Variants in KIAA1549 observed in about 807,000 individuals in gnomAD.
KIAA1549 encodes KIAA1549.
KIAA1549 carries 70 observed loss-of-function variants against 156.4 expected under a neutral mutation model. The observed-to-expected ratio is 0.45, with a 90% CI of 0.37 to 0.55. The LOEUF (loss-of-function observed/expected upper bound fraction) is 0.55. Among genes scored for constraint, KIAA1549 ranks in the 20% least tolerant of loss-of-function variants. KIAA1549 has a pLI of 0.00. For synonymous variants in KIAA1549, 1,103 were observed against 1,066.4 expected, an observed-to-expected ratio of 1.03 and a Z score of -0.67; for missense variants, 2,428 against 2,540.9, an observed-to-expected ratio of 0.96 and a Z score of 0.96.
At chr7:138,871,087 G>A in intron 13 of KIAA1549, 70 bp downstream of exon 13, 1 of 1,457,840 alleles carries the variant, frequency 6.9e-7, no homozygotes, top group East Asian at 2.4e-5. Flanking sequence ...CAAGTGCTGG[G>A]ATTACAGGCA....
At position 138,899,211 on chromosome 7, in the gene KIAA1549, T is replaced by C. The variant is rs541221548; in HGVS notation, c.3670-79A>G. On this transcript the variant is annotated intron_variant, in intron 8 of 19. Coordinates refer to ENST00000422774, the MANE Select transcript of KIAA1549 (RefSeq NM_001164665.2). Reference sequence around the variant, plus strand: ...CTCTCTCAGGTTGCTGAATCCTGGCTGTGTCACTCAGGATTTATTCCAATC... The same window carrying C: ...CTCTCTCAGGTTGCTGAATCCTGGCCGTGTCACTCAGGATTTATTCCAATC... The C allele has an allele frequency of 5.4e-6, 7 of 1,307,526 alleles. No individual in the cohort carries two copies. In the South Asian group the frequency reaches 6.2e-5, roughly 12 times the overall value. The allele number at this position is 1,307,526 out of a possible 1,614,324, so 81.0% of individuals were successfully genotyped here.
At chr7:138,839,780 T>TTC (rs1809853342) in intron 19 of KIAA1549, among the ~76,000 whole-genome samples, 1 of 112,048 alleles carries the variant, frequency 8.9e-6, no homozygotes, top group Admixed American at 8.7e-5. Context: ...GATTATGTCT[T>TTC]TTTTTTTTTT....
intron 1 of KIAA1549, among the ~76,000 whole-genome samples, chr7:138,951,285 G>A (rs1289839755): frequency 6.6e-6 from 1 of 152,092 alleles, no homozygotes; most frequent in Non-Finnish European, 1.5e-5. Context: ...AGGATTCAGG[G>A]TTCACGGACA....
chr7:138,891,178 G>A (rs1264462487), intron 10 of KIAA1549, among the ~76,000 whole-genome samples: 1 of 152,260 alleles, frequency 6.6e-6, no homozygotes, highest in Non-Finnish European at 1.5e-5. Context: ...TGCTATTTGT[G>A]TTGGTAACTG....
rs1046155851 is a variant in KIAA1549 at position 138,869,394 on chromosome 7, G to A, written c.4775+144C>T. On this transcript the variant is annotated intron_variant, in intron 14 of 19. Coordinates refer to ENST00000422774, the MANE Select transcript of KIAA1549 (RefSeq NM_001164665.2). ...CTTCTGTGCATGAGCCCCTTCAACTGTCTTCAGAGACCTCCACGTGAACAC... is the reference window on the plus strand; with the variant it reads ...CTTCTGTGCATGAGCCCCTTCAACTATCTTCAGAGACCTCCACGTGAACAC... The A allele has an allele frequency of 6.0e-6, 4 of 668,746 alleles. No homozygotes were observed. The African/African-American group carries it at 7.2e-5, about 12-fold the overall frequency. 41.4% of individuals were successfully genotyped at this position (668,746 alleles called of 1,614,324 possible). A position where few individuals can be genotyped will look rare whatever the true frequency, so the allele number is the denominator to read the frequency against.
Position 138,919,436 on chromosome 7 carries a change from CATCT to C in KIAA1549, c.188-2_189del. 1 of 1,611,178 alleles carries C rather than the reference CATCT, an allele frequency of 6.2e-7. No individual in the cohort carries two copies. The highest frequency in any genetic ancestry group is 8.5e-7 in the Non-Finnish European group (1 of 1,178,338). Reference sequence around the variant, plus strand: ...AGGTTGTGCTGTTCCGGAGAGAGCTCATCTATCAAGAAAATCAGAGCTGGGTTAG... The same window carrying C: ...AGGTTGTGCTGTTCCGGAGAGAGCTCATCAAGAAAATCAGAGCTGGGTTAG... On this transcript the variant is annotated splice_acceptor_variant and coding_sequence_variant, in exon 2 of 20. Transcript: ENST00000422774. LOFTEE classifies it high-confidence loss of function.
At chr7:138,849,404 C>G (rs1010238867) in intron 17 of KIAA1549, among the ~76,000 whole-genome samples, 6 of 152,094 alleles carry the variant, frequency 3.9e-5, no homozygotes, top group African/African-American at 1.4e-4. Context: ...CCCCCCTAAA[C>G]ACTGCTATAG....
intron 18 of KIAA1549, among the ~76,000 whole-genome samples, chr7:138,841,224 G>A (rs1168583508): frequency 6.6e-6 from 1 of 152,152 alleles, no homozygotes; most frequent in Non-Finnish European, 1.5e-5. Context: ...TTCACAAGGA[G>A]CTGGTTATAC....
chr7:138,950,332 C>A (rs1298871042), intron 1 of KIAA1549, among the ~76,000 whole-genome samples: 1 of 152,084 alleles, frequency 6.6e-6, no homozygotes, highest in Non-Finnish European at 1.5e-5. Flanking sequence ...ACTAACAGAT[C>A]GCCCTAACAA....
chr7:138,978,729 T>C (rs1216168093), intron 1 of KIAA1549, among the ~76,000 whole-genome samples: 1 of 152,174 alleles, frequency 6.6e-6, no homozygotes, highest in Non-Finnish European at 1.5e-5. Flanking sequence ...TGACTACCAC[T>C]GCTTATTCCT....
At chr7:138,856,270 C>A (rs1344228429) in intron 16 of KIAA1549, among the ~76,000 whole-genome samples, 1 of 151,800 alleles carries the variant, frequency 6.6e-6, no homozygotes, top group African/African-American at 2.4e-5. Context: ...GATCTCCTGA[C>A]CTCGTGATCC....
chr7:138,835,765 T>G lies in KIAA1549; in HGVS notation c.*2141A>C, dbSNP rs1038471132. 11 of 220,926 alleles carry G rather than the reference T, an allele frequency of 5.0e-5. No homozygotes were observed. Among genetic ancestry groups the G allele is most frequent in the Middle Eastern group, 1.4e-3 (1 of 736 alleles). 13.7% of individuals were successfully genotyped at this position (220,926 alleles called of 1,614,324 possible). On this transcript the variant is annotated 3_prime_UTR_variant, in exon 20 of 20. Transcript: ENST00000422774. ...GGTATTAAACCAAGACCAAGAGAAA[T>G]TTGGTATTAAACCAAAACCAAGACA...
chr7:138,908,966 G>A, intron 5 of KIAA1549, 25 bp downstream of exon 5: 3 of 1,613,410 alleles, frequency 1.9e-6, no homozygotes, highest in Non-Finnish European at 2.5e-6. Flanking sequence ...AAAGCCTTCT[G>A]CTCTGCATTC....
At chr7:138,846,262 C>T (rs1276687845) in intron 17 of KIAA1549, among the ~76,000 whole-genome samples, 4 of 152,100 alleles carry the variant, frequency 2.6e-5, no homozygotes, top group Non-Finnish European at 4.4e-5. Flanking sequence ...TGGCCGGGTG[C>T]GGTGGCTCAT....
chr7:138,867,922 T>C lies in KIAA1549; in HGVS notation c.4929+53A>G, dbSNP rs1563055408. On this transcript the variant is annotated intron_variant, in intron 15 of 19. Coordinates refer to ENST00000422774, the MANE Select transcript of KIAA1549 (RefSeq NM_001164665.2). ...GCTTCTCCTCCCCTTTCAGCGCATC[T>C]TTCTAGGAGCCGCCCCACCCGAGTT... 3.8e-6 allele frequency: 6 copies of C among 1,593,744 alleles called. No individual in the cohort carries two copies. The Admixed American group carries it at 5.1e-5, about 13-fold the overall frequency.
chr7:138,882,022 T>C (rs774934115), intron 10 of KIAA1549, among the ~76,000 whole-genome samples: 1 of 152,138 alleles, frequency 6.6e-6, no homozygotes, highest in South Asian at 2.1e-4. Flanking sequence ...TTGGCTATGC[T>C]AGATGGGTCA....
intron 15 of KIAA1549, among the ~76,000 whole-genome samples, chr7:138,861,750 A>T (rs2130367727): frequency 6.6e-6 from 1 of 151,868 alleles, no homozygotes; most frequent in East Asian, 1.9e-4. Flanking sequence ...GTGCACCTGT[A>T]GTCCCAGTTA....
chr7:138,953,189 C>T (rs1813549802), intron 1 of KIAA1549, among the ~76,000 whole-genome samples: 2 of 152,084 alleles, frequency 1.3e-5, no homozygotes, highest in Admixed American at 1.3e-4. Context: ...AACCTCATCT[C>T]TACTAAAAAT....
chr7:138,981,170 C>A lies in KIAA1549; in HGVS notation c.100G>T (p.Ala34Ser). 2 of 1,165,986 alleles carry A rather than the reference C, an allele frequency of 1.7e-6. No individual in the cohort carries two copies. Among genetic ancestry groups the A allele is most frequent in the African/African-American group, 1.6e-5 (1 of 61,892 alleles). The allele number at this position is 1,165,986 out of a possible 1,614,324, so 72.2% of individuals were successfully genotyped here. Residue 34 changes from alanine (A) to serine (S), a missense_variant, in exon 1 of 20, where the codon GCC becomes TCC. By Grantham distance (99) the Ala-to-Ser change is moderately conservative. Coordinates refer to ENST00000422774, the MANE Select transcript of KIAA1549 (RefSeq NM_001164665.2). The surrounding 1 kb of genome is among the most constrained non-coding windows in gnomAD (Gnocchi z 4.5). ...APGPSGRRPSARCARRRRPGL... is the reference protein window; with the variant it reads ...APGPSGRRPSSRCARRRRPGL... ...GGGCGGCGGCGGCGGGCGCAGCGGG[C>A]GGAAGGCCGTCGGCCGCTCGGCCCC... is the stretch of plus-strand genomic sequence containing the variant.
Sources: gnomAD v4.1 joint callset for allele counts (sites outside exome capture counted in the v4.1 genomes callset) on GRCh38, gnomAD v4.1.1 for gene constraint, Gnocchi (gnomAD v3.1) non-coding constraint, MANE v1.5 for transcripts, NCBI Gene and HGNC (gene_info 2026-07-23, HGNC 2026-07-21) for gene names.